Variants in HIBCH observed in about 807,000 individuals in gnomAD.
HIBCH encodes 3-hydroxyisobutyryl-CoA hydrolase, also known as 3-hydroxyisobutyryl-CoA hydrolase, mitochondrial.
Under a neutral mutation model 58.2 loss-of-function variants are expected in HIBCH, and 50 were observed. The ratio of observed to expected loss-of-function variants is 0.86; its 90% CI spans 0.68 to 1.09. The LOEUF (loss-of-function observed/expected upper bound fraction) is 1.09. HIBCH is among the 50% of genes least tolerant of loss of function. The pLI is 0.00. For synonymous variants in HIBCH, 151 were observed against 146.9 expected (o/e 1.03, Z -0.20); for missense variants, 450 against 449.7 (o/e 1.00, Z -0.01).
intron 6 of HIBCH, among the ~76,000 whole-genome samples, chr2:190,264,617 T>A (rs1438756201): frequency 1.3e-5 from 2 of 152,254 alleles, no homozygotes; most frequent in South Asian, 4.1e-4. Flanking sequence ...TTCTTGCATA[T>A]AGCAGTAATT....
chr2:190,284,173 C>A (rs1224316412), intron 6 of HIBCH, among the ~76,000 whole-genome samples: 1 of 152,200 alleles, frequency 6.6e-6, no homozygotes, highest in East Asian at 1.9e-4. Context: ...TATGAAGAAT[C>A]AGCAGCATCT....
At chr2:190,240,256 A>G (rs1307683074) in intron 11 of HIBCH, among the ~76,000 whole-genome samples, 1 of 152,058 alleles carries the variant, frequency 6.6e-6, no homozygotes, top group African/African-American at 2.4e-5. Context: ...GAATTTATCC[A>G]TTTCTTCTAG....
chr2:190,307,162 T>C lies in HIBCH; in HGVS notation c.78+3592A>G, dbSNP rs112051836. Among the ~76,000 whole-genome samples the C allele has an allele frequency of 5.7e-3, 872 of 152,310 alleles. 5 individuals are homozygous for C. The highest frequency in any genetic ancestry group is 0.02 in the African/African-American group (828 of 41,548). On this transcript the variant is annotated intron_variant, in intron 2 of 13. Transcript: ENST00000359678. ...TCAGATATAGGATTAAAAGGACTATTAATAATTCTAGGACACCATCTGGAC... is the reference window on the plus strand; with the variant it reads ...TCAGATATAGGATTAAAAGGACTATCAATAATTCTAGGACACCATCTGGAC...
chr2:190,239,308 G>A (rs886295673), intron 11 of HIBCH, among the ~76,000 whole-genome samples: 1 of 152,128 alleles, frequency 6.6e-6, no homozygotes, highest in African/African-American at 2.4e-5. Context: ...CCTCTGTTCT[G>A]TTCCATTGGT....
At chr2:190,199,841 C>CACAA (rs1553491524), downstream of HIBCH, 35 of 1,608,174 alleles carry the variant, frequency 2.2e-5, no homozygotes, top group Non-Finnish European at 2.9e-5. Context: ...CTGCTTCCTC[C>CACAA]ACAAACAGCT....
At chr2:190,200,480 TGG>T, downstream of HIBCH, 1 of 211,688 alleles carries the variant, frequency 4.7e-6, no homozygotes. Context: ...CAAATTCCAA[TGG>T]TTGAAGTTTA....
intron 12 of HIBCH, 109 bp downstream of exon 12, chr2:190,212,847 A>C: frequency 1.1e-6 from 1 of 938,008 alleles, no homozygotes; most frequent in Non-Finnish European, 1.6e-6. Flanking sequence ...GAGTAAATTT[A>C]CAGGTGGTTT....
chr2:190,200,052 C>CCTGT, downstream of HIBCH: 2 of 1,614,074 alleles, frequency 1.2e-6, no homozygotes, highest in Non-Finnish European at 1.7e-6. Context: ...ATGCACACCG[C>CCTGT]CTGTCTCAGG....
At chr2:190,248,016 G>A (rs1460559799) in intron 9 of HIBCH, among the ~76,000 whole-genome samples, 2 of 152,166 alleles carry the variant, frequency 1.3e-5, no homozygotes, top group African/African-American at 4.8e-5. Flanking sequence ...CAGATTCTCT[G>A]AGGCATGCCT....
At position 190,236,851 on chromosome 2, in the gene HIBCH, G is replaced by GGTA. The variant is rs1284734167; in HGVS notation, c.891+8033_891+8035dup. On this transcript the variant is annotated intron_variant, in intron 11 of 13. Coordinates refer to ENST00000359678, the MANE Select transcript of HIBCH (RefSeq NM_014362.4). The surrounding 1 kb of genome is among the most constrained non-coding windows in gnomAD (Gnocchi z 4.1). The stretch of plus-strand genomic sequence containing the variant: ...TATTTTATGTTTCCTAAATGCCAAT[G>GGTA]GTAGCATTTAAGGGTCGCTAAGGCC... 6.6e-6 allele frequency among the ~76,000 whole-genome samples: 1 copy of GGTA among 152,104 alleles called. No homozygotes were observed. Among genetic ancestry groups the GGTA allele is most frequent in the Admixed American group, 6.6e-5 (1 of 15,252 alleles).
intron 6 of HIBCH, 22 bp from the exon 7 acceptor site, chr2:190,261,256 A>G: frequency 6.5e-7 from 1 of 1,534,696 alleles, no homozygotes; most frequent in Non-Finnish European, 9.0e-7. Context: ...AGGCAAAAAA[A>G]GAGGCGGGGG....
intron 8 of HIBCH, among the ~76,000 whole-genome samples, chr2:190,251,284 C>T (rs776105071): frequency 1.3e-5 from 2 of 152,128 alleles, no homozygotes; most frequent in Non-Finnish European, 2.9e-5. Flanking sequence ...AGCTATTCAT[C>T]TGATGACCAT....
intron 11 of HIBCH, among the ~76,000 whole-genome samples, chr2:190,219,718 CG>C (rs966527734): frequency 2.0e-5 from 3 of 152,034 alleles, no homozygotes; most frequent in African/African-American, 7.3e-5. Flanking sequence ...TATAAGGAAC[CG>C]GGGGAGGGTC....
intron 1 of HIBCH, among the ~76,000 whole-genome samples, chr2:190,194,766 A>ATATAGTTGTAATCATACAGCAT (rs1297082229): frequency 7.5e-4 from 114 of 152,218 alleles, no homozygotes; most frequent in Admixed American, 3.2e-3. Flanking sequence ...CTAGAATGTC[A>ATATAGTTGTAATCATACAGCAT]TATAGTTGTA....
rs1350594646 is a variant in HIBCH, at chr2:190,304,652, A to C, written c.78+6102T>G. Among the ~76,000 whole-genome samples, 1 of 152,212 alleles carries C rather than the reference A, an allele frequency of 6.6e-6. No homozygotes were observed. The highest frequency in any genetic ancestry group is 2.4e-5 in the African/African-American group (1 of 41,450). ...TTTTGATAAGTGTACCATAGTAAGA[A>C]TAGTAGGCAGTTTGCTAGGGCTGCC... On this transcript the variant is annotated intron_variant, in intron 2 of 13. Transcript: ENST00000359678. The surrounding 1 kb of genome is among the most constrained non-coding windows in gnomAD (Gnocchi z 4.1).
intron 11 of HIBCH, among the ~76,000 whole-genome samples, chr2:190,238,743 G>A (rs908602477): frequency 2.8e-4 from 42 of 152,312 alleles, no homozygotes; most frequent in Middle Eastern, 6.8e-3. Context: ...GATTACAGGC[G>A]TGAGCCACCA....
At chr2:190,270,120 A>T (rs1687349670) in intron 6 of HIBCH, among the ~76,000 whole-genome samples, 1 of 152,180 alleles carries the variant, frequency 6.6e-6, no homozygotes, top group Admixed American at 6.5e-5. Flanking sequence ...TAATACATGC[A>T]GGGCTTAAAA....
chr2:190,207,416 C>A lies in HIBCH; in HGVS notation c.1045+1464G>T, dbSNP rs1690417842. On this transcript the variant is annotated intron_variant, in intron 13 of 13. Transcript: ENST00000359678. The surrounding 1 kb of genome is among the most constrained non-coding windows in gnomAD (Gnocchi z 4.5). ...TATGTTACTTAGTTTCTACAAGACA[C>A]ACTGCCATCTCCTCTGATCAGCTCC... Among the ~76,000 whole-genome samples, 1 of 152,166 alleles carries A rather than the reference C, an allele frequency of 6.6e-6. No individual in the cohort carries two copies.
Position 190,246,168 on chromosome 2 carries a change from C to G in HIBCH, c.795G>C (p.Met265Ile), listed in dbSNP as rs746809006. 1 of 1,582,686 alleles carries G rather than the reference C, an allele frequency of 6.3e-7. No individual in the cohort carries two copies. Among genetic ancestry groups the G allele is most frequent in the South Asian group, 1.1e-5 (1 of 90,374 alleles). ...TTTTTAGGTACCTGTTTATTTTGTC[C>G]ATGTGTTCCTCAAGTATAAAAGACT... ...RDKSFILEEH[M>I]DKINSCFSAN... The change falls in exon 10 of 14, where the codon ATG becomes ATC. Residue 265 changes from methionine (M) to isoleucine (I), a missense_variant. Coordinates refer to ENST00000359678, the MANE Select transcript of HIBCH (RefSeq NM_014362.4).
Sources: gnomAD v4.1 joint callset for allele counts (sites outside exome capture counted in the v4.1 genomes callset) on GRCh38, gnomAD v4.1.1 for gene constraint, Gnocchi (gnomAD v3.1) non-coding constraint, MANE v1.5 for transcripts, NCBI Gene and HGNC (gene_info 2026-07-23, HGNC 2026-07-21) for gene names.